ZHX1: variants seen among roughly 807,000 people sequenced by gnomAD.
ZHX1 encodes zinc fingers and homeoboxes protein 1.
Under a neutral mutation model 61.8 loss-of-function variants are expected in ZHX1, and 20 were observed. That is an observed-to-expected ratio of 0.32 (90% confidence interval 0.23 to 0.47). The LOEUF (loss-of-function observed/expected upper bound fraction) is 0.47. Ranked by LOEUF, ZHX1 falls within the 20% of genes least tolerant of loss-of-function variation. The pLI is 1.00. For missense variants in ZHX1, 800 were observed against 1,034.8 expected (o/e 0.77, Z 3.11); for synonymous variants, 318 against 352.6 (o/e 0.90, Z 1.10).
In ZHX1 at chr8:123,254,924, A is replaced by G; in HGVS notation, c.1023T>C (p.Val341=). 6.2e-7 allele frequency: 1 copy of G among 1,614,214 alleles called. No individual in the cohort carries two copies. The highest frequency in any genetic ancestry group is 8.5e-7 in the Non-Finnish European group (1 of 1,180,032). ...WFSAQRLKHG[V]SWTPEEVEEA... is the part of the protein sequence containing the mutation. ...CCTCTACTTCCTCGGGAGTCCAACTAACACCATGTTTTAAACGTTGGGCTG... is the reference window on the plus strand; with the variant it reads ...CCTCTACTTCCTCGGGAGTCCAACTGACACCATGTTTTAAACGTTGGGCTG... Residue 341 remains valine, a synonymous_variant, in exon 3 of 4, where the codon GTT becomes GTC. Coordinates refer to ENST00000395571, the MANE Select transcript of ZHX1 (RefSeq NM_007222.5). The surrounding 1 kb of genome is among the most constrained non-coding windows in gnomAD (Gnocchi z 4.1).
intron 2 of ZHX1, among the ~76,000 whole-genome samples, chr8:123,261,607 A>AT (rs1826271033): frequency 1.3e-5 from 2 of 152,208 alleles, no homozygotes; most frequent in Admixed American, 6.5e-5. Flanking sequence ...AGTAAGAAAG[A>AT]TATCAGTACA....
At position 123,264,702 on chromosome 8, in the gene ZHX1, C is replaced by T. The variant is rs1356140405; in HGVS notation, c.-226+2571G>A. On this transcript the variant is annotated intron_variant, in intron 2 of 3. Transcript: ENST00000395571. ...CCTCCCAAGTAGTTGGGATTACAGG[C>T]GCCCGCCACCACGCCTGGCTAATTT... 3.3e-5 allele frequency among the ~76,000 whole-genome samples: 5 copies of T among 151,878 alleles called. No individual in the cohort carries two copies. In the South Asian group the frequency reaches 1.0e-3, roughly 32 times the overall value.
chr8:123,260,639 TAG>T (rs200280843), intron 2 of ZHX1, among the ~76,000 whole-genome samples: 1 of 151,420 alleles, frequency 6.6e-6, no homozygotes, highest in Non-Finnish European at 1.5e-5. Flanking sequence ...CATATATATA[TAG>T]AGAGAGATCT....
intron 2 of ZHX1, among the ~76,000 whole-genome samples, chr8:123,263,829 G>A (rs1002636293): frequency 5.3e-5 from 8 of 150,102 alleles, no homozygotes; most frequent in East Asian, 1.9e-4. Context: ...AGAAGACTCC[G>A]TCTCAAAAAA....
chr8:123,253,041 C>T (rs770264465), intron 3 of ZHX1: 11 of 303,100 alleles, frequency 3.6e-5, no homozygotes, highest in Non-Finnish European at 5.3e-5. Flanking sequence ...TGCCAGTCTC[C>T]CTTCATAGAG....
chr8:123,261,207 G>A (rs1446058892), intron 2 of ZHX1, among the ~76,000 whole-genome samples: 1 of 152,100 alleles, frequency 6.6e-6, no homozygotes, highest in Non-Finnish European at 1.5e-5. Context: ...AGACCAAAGG[G>A]CAAACAAAGG....
At chr8:123,274,155 G>A (rs1826761479) in intron 1 of ZHX1, 62 bp downstream of exon 1, 1 of 152,674 alleles carries the variant, frequency 6.5e-6, no homozygotes, top group Non-Finnish European at 1.5e-5. Context: ...CTGCGCTCCA[G>A]TTCCCACCCG....
chr8:123,261,711 TC>T (rs1349169437), intron 2 of ZHX1, among the ~76,000 whole-genome samples: 7 of 152,204 alleles, frequency 4.6e-5, no homozygotes, highest in African/African-American at 1.7e-4. Context: ...AATGCTTCCT[TC>T]ACTTACTTTG....
intron 2 of ZHX1, among the ~76,000 whole-genome samples, chr8:123,265,464 G>A (rs947165990): frequency 3.3e-5 from 5 of 151,816 alleles, no homozygotes; most frequent in East Asian, 1.9e-4. Context: ...CAAAAATCAC[G>A]GAATGCCTAA....
chr8:123,251,920 T>C (rs1419152823), intron 3 of ZHX1, among the ~76,000 whole-genome samples: 2 of 152,116 alleles, frequency 1.3e-5, no homozygotes, highest in Admixed American at 1.3e-4. Context: ...TGAAAAAGGA[T>C]TGCCAAGCAG....
rs199613964 is a variant in ZHX1, at chr8:123,254,723, T to G, written c.1224A>C (p.Pro408=). Reference sequence around the variant, plus strand: ...CTGTCAAGGCTATAGGTGCTGTAACTGGCAAGGTGTTTGTTCCAGCCACTT... The same window carrying G: ...CTGTCAAGGCTATAGGTGCTGTAACGGGCAAGGTGTTTGTTCCAGCCACTT... ...LTQVAGTNTL[P]VTAPIALTVA... The change falls in exon 3 of 4, where the codon CCA becomes CCC. Residue 408 remains proline, a synonymous_variant. Coordinates refer to ENST00000395571, the MANE Select transcript of ZHX1 (RefSeq NM_007222.5). This position sits in a 1 kb window ranked among gnomAD's most constrained non-coding sequence, Gnocchi z 4.1. 2 of 1,614,188 alleles carry G rather than the reference T, an allele frequency of 1.2e-6. No individual in the cohort carries two copies. Among genetic ancestry groups the G allele is most frequent in the Non-Finnish European group, 1.7e-6 (2 of 1,180,022 alleles).
upstream of ZHX1, chr8:123,274,574 C>G (rs1401109615): frequency 6.6e-6 from 1 of 152,306 alleles, no homozygotes; most frequent in Non-Finnish European, 1.5e-5. Flanking sequence ...GCCCCTAGTC[C>G]GGGGATTGGC....
chr8:123,272,334 T>C (rs1053992173), intron 1 of ZHX1, among the ~76,000 whole-genome samples: 10 of 152,250 alleles, frequency 6.6e-5, no homozygotes, highest in Non-Finnish European at 1.3e-4. Flanking sequence ...TCCACGATTA[T>C]ACATTTTACT....
chr8:123,271,801 C>A (rs1221533346), intron 1 of ZHX1, among the ~76,000 whole-genome samples: 1 of 152,058 alleles, frequency 6.6e-6, no homozygotes, highest in East Asian at 1.9e-4. Flanking sequence ...AAAGAACTTA[C>A]AATTATCATT....
chr8:123,253,447 C>T lies in ZHX1; in HGVS notation c.2500G>A (p.Glu834Lys). Residue 834 changes from glutamate (E) to lysine (K), a missense_variant, in exon 3 of 4, where the codon GAA becomes AAA. Transcript: ENST00000395571. ...ATAACTTCATCTTCCTCCTCATTTT[C>T]CTCAAATAATTCTATACCTAATTCT... ...RSELGIELFE[E>K]NEEEDEVIDD... The T allele has an allele frequency of 6.2e-7, 1 of 1,614,064 alleles. No individual in the cohort carries two copies. Among genetic ancestry groups the T allele is most frequent in the Non-Finnish European group, 8.5e-7 (1 of 1,179,978 alleles).
chr8:123,250,367 ATATTT>A, intron 3 of ZHX1, 47 bp from the exon 4 acceptor site: 1 of 372,424 alleles, frequency 2.7e-6, no homozygotes, highest in South Asian at 2.0e-5. Context: ...AAAGAAAACC[ATATTT>A]TAATTTTTAC....
chr8:123,260,302 C>CT (rs1392267588), intron 2 of ZHX1, among the ~76,000 whole-genome samples: 11 of 151,996 alleles, frequency 7.2e-5, no homozygotes, highest in African/African-American at 2.4e-4. Context: ...GTTTAAAAGC[C>CT]TTTTGCTTAA....
At chr8:123,275,428 A>G (rs911475021), upstream of ZHX1, 2 of 152,158 alleles carry the variant, frequency 1.3e-5, no homozygotes, top group African/African-American at 4.8e-5. Context: ...CCAGTCGCGG[A>G]CCCTTTGTGC....
intron 1 of ZHX1, among the ~76,000 whole-genome samples, chr8:123,273,489 T>C (rs1011332722): frequency 6.6e-6 from 1 of 151,982 alleles, no homozygotes; most frequent in African/African-American, 2.4e-5. Flanking sequence ...TCTCCCTAAA[T>C]CCCAGGGCTT....
Sources: gnomAD v4.1 joint callset for allele counts (sites outside exome capture counted in the v4.1 genomes callset) on GRCh38, gnomAD v4.1.1 for gene constraint, Gnocchi (gnomAD v3.1) non-coding constraint, MANE v1.5 for transcripts, NCBI Gene and HGNC (gene_info 2026-07-23, HGNC 2026-07-21) for gene names.